RALGAPA2: variants seen among roughly 807,000 people sequenced by gnomAD.
The protein encoded by RALGAPA2 is Ral GTPase activating protein catalytic subunit alpha 2.
In RALGAPA2, 139 loss-of-function variants were observed where a neutral mutation model predicts 230.4. That is an observed-to-expected ratio of 0.60 (90% CI 0.53 to 0.69). The LOEUF is 0.69. RALGAPA2 is among the 30% of genes least tolerant of loss of function. The pLI, the probability that RALGAPA2 is intolerant of heterozygous loss-of-function variation, is 0.00. For synonymous variants in RALGAPA2, 847 were observed against 837.8 expected (o/e 1.01, Z -0.19); for missense variants, 2,163 against 2,276.0 (o/e 0.95, Z 1.01).
rs1050154142 is a variant in RALGAPA2 at position 20,583,296 on chromosome 20, T to C, written c.2531-70A>G. 4.9e-6 allele frequency: 7 copies of C among 1,441,692 alleles called. No homozygotes were observed. The African/African-American group carries it at 8.5e-5, about 18-fold the overall frequency. The allele number at this position is 1,441,692 out of a possible 1,614,324, so 89.3% of individuals were successfully genotyped here. On this transcript the variant is annotated intron_variant, in intron 19 of 39. Transcript: ENST00000202677. ...AAATCAGAATGTTCACAATTACTGA[T>C]ACGAAAGTAACTAAACAAACAGCAG... is the stretch of plus-strand genomic sequence containing the variant.
At chr20:20,599,784 C>T (rs1419012672) in intron 16 of RALGAPA2, among the ~76,000 whole-genome samples, 6 of 152,066 alleles carry the variant, frequency 3.9e-5, no homozygotes, top group Non-Finnish European at 7.4e-5. Flanking sequence ...ACCAGCCTGA[C>T]CGACATGGTG....
intron 16 of RALGAPA2, among the ~76,000 whole-genome samples, chr20:20,597,986 CTAAT>C: frequency 6.6e-6 from 1 of 152,122 alleles, no homozygotes; most frequent in Middle Eastern, 3.4e-3. Flanking sequence ...AGACATAGGC[CTAAT>C]TATTCAATAT....
rs571192277 is a variant in RALGAPA2, at chr20:20,457,366, C to T, written c.5495+15463G>A. On this transcript the variant is annotated intron_variant, in intron 37 of 39. Coordinates refer to ENST00000202677, the MANE Select transcript of RALGAPA2 (RefSeq NM_020343.4). ...GAGCATGAACATGGAAATCTTTTGTCGCACACACGAGTTTGCCATTTATCT... is the reference window on the plus strand; with the variant it reads ...GAGCATGAACATGGAAATCTTTTGTTGCACACACGAGTTTGCCATTTATCT... Among the ~76,000 whole-genome samples, 8 of 152,236 alleles carry T rather than the reference C, an allele frequency of 5.3e-5. No homozygotes were observed. In the South Asian group the frequency reaches 1.0e-3, roughly 20 times the overall value.
chr20:20,433,253 G>C (rs547441511), intron 37 of RALGAPA2, among the ~76,000 whole-genome samples: 55 of 152,144 alleles, frequency 3.6e-4, no homozygotes, highest in Non-Finnish European at 6.9e-4. Context: ...TTAAGGCTCC[G>C]AGTTCAAGAT....
intron 23 of RALGAPA2, among the ~76,000 whole-genome samples, chr20:20,548,125 CCACA>C (rs58279852): frequency 2.0e-5 from 3 of 148,002 alleles, no homozygotes; most frequent in Non-Finnish European, 3.0e-5. Context: ...AGCAAAATCT[CCACA>C]CACACACACA....
chr20:20,621,384 T>C (rs1481554490), intron 10 of RALGAPA2, among the ~76,000 whole-genome samples: 4 of 151,900 alleles, frequency 2.6e-5, no homozygotes, highest in Non-Finnish European at 5.9e-5. Context: ...GATGTCATGG[T>C]GTTGGCCTGA....
rs1028549118 is a variant in RALGAPA2 at position 20,563,244 on chromosome 20, A to G, written c.3156+8214T>C. Among the ~76,000 whole-genome samples the G allele has an allele frequency of 2.6e-5, 4 of 152,232 alleles. No homozygotes were observed. The East Asian group carries it at 7.7e-4, about 29-fold the overall frequency. On this transcript the variant is annotated intron_variant, in intron 23 of 39. Transcript: ENST00000202677. ...CTCCCCTTATATTCAATAATATTTCATTAACTTGAGTAAAGTAAATTCAGG... is the reference window on the plus strand; with the variant it reads ...CTCCCCTTATATTCAATAATATTTCGTTAACTTGAGTAAAGTAAATTCAGG...
At chr20:20,559,746 A>T (rs930461351) in intron 23 of RALGAPA2, among the ~76,000 whole-genome samples, 7 of 152,118 alleles carry the variant, frequency 4.6e-5, no homozygotes, top group African/African-American at 7.2e-5. Flanking sequence ...TTAAAGATAA[A>T]ATTCCAGTAA....
At chr20:20,461,565 G>A (rs2061302841) in intron 37 of RALGAPA2, among the ~76,000 whole-genome samples, 2 of 152,100 alleles carry the variant, frequency 1.3e-5, no homozygotes, top group Admixed American at 1.3e-4. Flanking sequence ...TCAGCTCTAC[G>A]CCTTCTTTAA....
intron 1 of RALGAPA2, among the ~76,000 whole-genome samples, chr20:20,687,492 C>T (rs2146885177): frequency 6.6e-6 from 1 of 152,186 alleles, no homozygotes. Flanking sequence ...AAAAATGTGG[C>T]AGTGGTTGCT....
intron 38 of RALGAPA2, among the ~76,000 whole-genome samples, chr20:20,400,762 A>G (rs559694448): frequency 2.6e-5 from 4 of 152,338 alleles, no homozygotes; most frequent in East Asian, 3.9e-4. Context: ...ATTCACAGTG[A>G]CCAAAAGTGG....
Position 20,605,158 on chromosome 20 carries a change from T to C in RALGAPA2, c.2038+17A>G, listed in dbSNP as rs1360103255. ...CAGTCCTAGACATCTGGTGTTAACC[T>C]GGAAGAGTGGAAATACCTTTGCCTC... On this transcript the variant is annotated intron_variant, in intron 15 of 39. Transcript: ENST00000202677. 6.4e-7 allele frequency: 1 copy of C among 1,567,686 alleles called. No homozygotes were observed. The highest frequency in any genetic ancestry group is 1.3e-5 in the African/African-American group (1 of 74,244).
intron 14 of RALGAPA2, among the ~76,000 whole-genome samples, chr20:20,607,746 G>C (rs2065863414): frequency 6.6e-6 from 1 of 152,106 alleles, no homozygotes; most frequent in Non-Finnish European, 1.5e-5. Flanking sequence ...TCTATACTGG[G>C]GATCTTATAA....
chr20:20,709,565 T>C lies in RALGAPA2; in HGVS notation c.106+2810A>G, dbSNP rs190422531. On this transcript the variant is annotated intron_variant, in intron 1 of 39. Coordinates refer to ENST00000202677, the MANE Select transcript of RALGAPA2 (RefSeq NM_020343.4). Reference sequence around the variant, plus strand: ...TTTTTGGTTTTTGTTTTGTCAACAGTGTAGGAAGAACTGGAAGTCACAGGA... The same window carrying C: ...TTTTTGGTTTTTGTTTTGTCAACAGCGTAGGAAGAACTGGAAGTCACAGGA... Among the ~76,000 whole-genome samples the C allele has an allele frequency of 2.3e-4, 35 of 152,260 alleles. No individual in the cohort carries two copies. In the East Asian group the frequency reaches 6.6e-3, roughly 29 times the overall value.
At chr20:20,578,000 CCTTA>C (rs1476744631) in intron 20 of RALGAPA2, among the ~76,000 whole-genome samples, 1 of 151,998 alleles carries the variant, frequency 6.6e-6, no homozygotes, top group Non-Finnish European at 1.5e-5. Flanking sequence ...ACGAATATGC[CCTTA>C]CTTATGAAAG....
intron 23 of RALGAPA2, among the ~76,000 whole-genome samples, chr20:20,563,765 C>G (rs1347871371): frequency 2.0e-5 from 3 of 152,134 alleles, no homozygotes; most frequent in Non-Finnish European, 4.4e-5. Context: ...ACTACTTTCT[C>G]AGGATGCTTA....
chr20:20,710,155 T>A (rs932728199), intron 1 of RALGAPA2, among the ~76,000 whole-genome samples: 7 of 152,190 alleles, frequency 4.6e-5, no homozygotes, highest in Admixed American at 1.3e-4. Flanking sequence ...AATCTTTGCA[T>A]ACTTAAAAAA....
At chr20:20,690,620 A>G (rs1029532131) in intron 1 of RALGAPA2, among the ~76,000 whole-genome samples, 1 of 143,076 alleles carries the variant, frequency 7.0e-6, no homozygotes, top group Non-Finnish European at 1.5e-5. Context: ...CTTCTATGCC[A>G]CCTGTAAAGG....
rs1365474960 is a variant in RALGAPA2, at chr20:20,563,556, C to T, written c.3156+7902G>A. The stretch of plus-strand genomic sequence containing the variant: ...CAGGCAAGAATTCTTTGGGGACACC[C>T]CTTGGTGTATCCTCGGATGCACCCA... On this transcript the variant is annotated intron_variant, in intron 23 of 39. Coordinates refer to ENST00000202677, the MANE Select transcript of RALGAPA2 (RefSeq NM_020343.4). Among the ~76,000 whole-genome samples, 3 of 152,312 alleles carry T rather than the reference C, an allele frequency of 2.0e-5. No individual in the cohort carries two copies. In the East Asian group the frequency reaches 5.8e-4, roughly 29 times the overall value.
Sources: gnomAD v4.1 joint callset for allele counts (sites outside exome capture counted in the v4.1 genomes callset) on GRCh38, gnomAD v4.1.1 for gene constraint, MANE v1.5 for transcripts, NCBI Gene and HGNC (gene_info 2026-07-23, HGNC 2026-07-21) for gene names.